The following ZNF43 variants were observed in gnomAD, a reference collection of about 807,000 sequenced individuals.
ZNF43 encodes zinc finger protein 39-like 1 (KOX 27).
A neutral mutation model predicts 68.4 loss-of-function variants in ZNF43; 44 were observed. That is an observed-to-expected ratio of 0.64 (90% CI 0.51 to 0.83). The LOEUF is 0.83. Among genes scored for constraint, ZNF43 ranks in the 40% least tolerant of loss-of-function variants. The pLI is 0.00. For synonymous variants in ZNF43, 308 were observed against 307.8 expected (o/e 1.00, Z -0.01); for missense variants, 896 against 933.2 (o/e 0.96, Z 0.52).
upstream of ZNF43, chr19:21,840,874 A>G (rs948162442): frequency 2.0e-5 from 3 of 152,138 alleles, no homozygotes; most frequent in Non-Finnish European, 4.4e-5. Flanking sequence ...CATCTCTCCA[A>G]TTGGCTGGGT....
intron 1 of ZNF43, among the ~76,000 whole-genome samples, chr19:21,829,863 A>G (rs560495227): frequency 6.6e-6 from 1 of 152,362 alleles, no homozygotes; most frequent in African/African-American, 2.4e-5. Context: ...ATCATAAAAG[A>G]ACAAGAGAAG....
At position 21,819,240 on chromosome 19, in the gene ZNF43, A is replaced by G. The variant is rs746116051; in HGVS notation, c.4-19T>C. 18 of 1,553,772 alleles carry G rather than the reference A, an allele frequency of 1.2e-5. No homozygotes were observed. Among genetic ancestry groups the G allele is most frequent in the Admixed American group, 2.1e-5 (1 of 46,638 alleles). ...ATGGTCCCTAAAAAAAACAACACAT[A>G]CACACACAAACACACACATTTACCA... On this transcript the variant is annotated intron_variant, in intron 1 of 3. Transcript: ENST00000354959.
intron 3 of ZNF43, among the ~76,000 whole-genome samples, chr19:21,814,166 A>T (rs918849428): frequency 1.3e-5 from 2 of 152,200 alleles, no homozygotes; most frequent in African/African-American, 2.4e-5. Context: ...TAAACTTTTT[A>T]AAAAATTACC....
At chr19:21,835,262 A>G (rs1009668983) in intron 1 of ZNF43, among the ~76,000 whole-genome samples, 1 of 150,442 alleles carries the variant, frequency 6.6e-6, no homozygotes, top group Non-Finnish European at 1.5e-5. Flanking sequence ...AAAAAAAAAA[A>G]AAAAGAAAAA....
chr19:21,815,486 C>CATATATATATATATATAT (rs58951070), intron 3 of ZNF43, among the ~76,000 whole-genome samples: 161 of 139,522 alleles, frequency 1.2e-3, no homozygotes, highest in African/African-American at 4.0e-3. Context: ...AACTAAATTA[C>CATATATATATATATATAT]ATATATATAT....
Position 21,805,918 on chromosome 19 carries a change from G to A in ZNF43, c.*1689C>T, listed in dbSNP as rs1027157018. The A allele has an allele frequency of 6.6e-6, 1 of 151,654 alleles. No homozygotes were observed. Among genetic ancestry groups the A allele is most frequent in the African/African-American group, 2.4e-5 (1 of 41,024 alleles). The allele number at this position is 151,654 out of a possible 1,614,324, so 9.4% of individuals were successfully genotyped here. ...GTTAGAAGCATAATAATGCTTCATTGAATGTACAATGGTCTTAACACATTT... is the reference window on the plus strand; with the variant it reads ...GTTAGAAGCATAATAATGCTTCATTAAATGTACAATGGTCTTAACACATTT... On this transcript the variant is annotated 3_prime_UTR_variant, in exon 4 of 4. Transcript: ENST00000354959.
chr19:21,810,720 G>T (rs530777000), intron 3 of ZNF43, among the ~76,000 whole-genome samples: 1 of 151,914 alleles, frequency 6.6e-6, no homozygotes, highest in Non-Finnish European at 1.5e-5. Flanking sequence ...AACAAAAGTA[G>T]GAGGATCACT....
At chr19:21,821,310 T>A (rs534408326) in intron 1 of ZNF43, among the ~76,000 whole-genome samples, 1 of 152,190 alleles carries the variant, frequency 6.6e-6, no homozygotes, top group Non-Finnish European at 1.5e-5. Flanking sequence ...TACGCCCTGC[T>A]ATTTTTTTTG....
At chr19:21,849,410 C>T (rs954107885) in intron 1 of ZNF43, among the ~76,000 whole-genome samples, 3 of 149,410 alleles carry the variant, frequency 2.0e-5, no homozygotes, top group Non-Finnish European at 4.4e-5. Context: ...ATCGCTTGAA[C>T]CCAGGAGGCG....
At chr19:21,842,543 G>A (rs761381934) in intron 1 of ZNF43, among the ~76,000 whole-genome samples, 8 of 151,990 alleles carry the variant, frequency 5.3e-5, no homozygotes, top group Non-Finnish European at 8.8e-5. Flanking sequence ...AAAGGGGACC[G>A]TGCAGCACAG....
At chr19:21,836,543 G>C (rs1053184182), upstream of ZNF43, among the ~76,000 whole-genome samples, 3 of 152,236 alleles carry the variant, frequency 2.0e-5, no homozygotes, top group African/African-American at 7.2e-5. Context: ...GGCCCTTTGA[G>C]TAGGAAGTAT....
Position 21,836,179 on chromosome 19 carries a change from A to T in ZNF43, c.-141T>A, listed in dbSNP as rs1273359836. ...GACGCAGAGCTCCAACTGCAGCCAGAGACAAAGGCCCCGCCACATCCCGGA... is the reference window on the plus strand; with the variant it reads ...GACGCAGAGCTCCAACTGCAGCCAGTGACAAAGGCCCCGCCACATCCCGGA... On this transcript the variant is annotated 5_prime_UTR_variant, in exon 1 of 4. Coordinates refer to ENST00000354959, the MANE Select transcript of ZNF43 (RefSeq NM_003423.4). 3.9e-6 allele frequency: 6 copies of T among 1,524,608 alleles called. No individual in the cohort carries two copies. Among genetic ancestry groups the T allele is most frequent in the South Asian group, 1.2e-5 (1 of 80,742 alleles). The allele number at this position is 1,524,608 out of a possible 1,614,324, so 94.4% of individuals were successfully genotyped here. A position where few individuals can be genotyped will look rare whatever the true frequency, so the allele number is the denominator to read the frequency against.
Position 21,807,053 on chromosome 19 carries a change from A to G in ZNF43, c.*554T>C, listed in dbSNP as rs1428916039. On this transcript the variant is annotated 3_prime_UTR_variant, in exon 4 of 4. Coordinates refer to ENST00000354959, the MANE Select transcript of ZNF43 (RefSeq NM_003423.4). ...CTTTGTACTATCAACCAAGCATTAT[A>G]GACCCTCATGTTTTATAAGCTGTAG... 1 of 152,202 alleles carries G rather than the reference A, an allele frequency of 6.6e-6. No homozygotes were observed. The highest frequency in any genetic ancestry group is 1.5e-5 in the Non-Finnish European group (1 of 68,046). 9.4% of individuals were successfully genotyped at this position (152,202 alleles called of 1,614,324 possible).
rs752364651 is a variant in ZNF43 at position 21,834,366 on chromosome 19, AGAAAAG to A, written c.3+1664_3+1669del. Among the ~76,000 whole-genome samples the A allele has an allele frequency of 9.5e-5, 12 of 126,896 alleles. No homozygotes were observed. In the East Asian group the frequency reaches 9.8e-4, roughly 10 times the overall value. 83.2% of individuals were successfully genotyped at this position (126,896 alleles called of 152,430 possible). A position where few individuals can be genotyped will look rare whatever the true frequency, so the allele number is the denominator to read the frequency against. Reference sequence around the variant, plus strand: ...AAAAAAAAAAAAAGTAAAGAAAAAAAGAAAAGGAAAAGAGGCACAGAGATTTTTATT... The same window carrying A: ...AAAAAAAAAAAAAGTAAAGAAAAAAAGAAAAGAGGCACAGAGATTTTTATT... On this transcript the variant is annotated intron_variant, in intron 1 of 3. Transcript: ENST00000354959.
rs2036934417 is a variant in ZNF43 at position 21,806,198 on chromosome 19, T to TG, written c.*1408dup. On this transcript the variant is annotated 3_prime_UTR_variant, in exon 4 of 4. Coordinates refer to ENST00000354959, the MANE Select transcript of ZNF43 (RefSeq NM_003423.4). ...TTTTTTTTTTTTTTTCTTTTTGAGA[T>TG]GGAGTTTGACTTTTGTTGCCCAGGT... The TG allele has an allele frequency of 2.1e-5, 3 of 144,314 alleles. No homozygotes were observed. The highest frequency in any genetic ancestry group is 2.2e-4 in the South Asian group (1 of 4,526). The allele number at this position is 144,314 out of a possible 1,614,324, so 8.9% of individuals were successfully genotyped here.
Position 21,808,855 on chromosome 19 carries a change from T to C in ZNF43, c.1182A>G (p.Glu394=). 3 of 1,613,842 alleles carry C rather than the reference T, an allele frequency of 1.9e-6. No homozygotes were observed. The highest frequency in any genetic ancestry group is 2.5e-6 in the Non-Finnish European group (3 of 1,179,886). The stretch of plus-strand genomic sequence containing the variant: ...ATTCTTCACATTTGTAGGGTTTCTT[T>C]TCAGTATGAATTTTCTTATGTTTAG... ...NLTKHKKIHT[E]KKPYKCEECG... is the part of the protein sequence containing the mutation. Residue 394 remains glutamate, a synonymous_variant, in exon 4 of 4, where the codon GAA becomes GAG. Coordinates refer to ENST00000354959, the MANE Select transcript of ZNF43 (RefSeq NM_003423.4).
At chr19:21,824,732 T>TAAA (rs34739856) in intron 1 of ZNF43, among the ~76,000 whole-genome samples, 19 of 107,244 alleles carry the variant, frequency 1.8e-4, no homozygotes, top group African/African-American at 6.0e-4. Flanking sequence ...TATGTTTACC[T>TAAA]AAAAAAAAAA....
intron 1 of ZNF43, among the ~76,000 whole-genome samples, chr19:21,850,617 G>C (rs1337313535): frequency 2.0e-5 from 3 of 152,180 alleles, no homozygotes; most frequent in Admixed American, 1.3e-4. Flanking sequence ...TTGTATAGGT[G>C]TTAGACCTAG....
chr19:21,840,542 G>C (rs1967451423), upstream of ZNF43: 1 of 152,176 alleles, frequency 6.6e-6, no homozygotes, highest in Non-Finnish European at 1.5e-5. Flanking sequence ...CAGGTATGCT[G>C]AATCTTGGTT....
Sources: gnomAD v4.1 joint callset for allele counts (sites outside exome capture counted in the v4.1 genomes callset) on GRCh38, gnomAD v4.1.1 for gene constraint, MANE v1.5 for transcripts, NCBI Gene and HGNC (gene_info 2026-07-23, HGNC 2026-07-21) for gene names.